CRB2: variants seen among roughly 807,000 people sequenced by gnomAD.
The protein encoded by CRB2 is crumbs cell polarity complex component 2.
Under a neutral mutation model 110.9 loss-of-function variants are expected in CRB2, and 85 were observed. The observed-to-expected ratio is 0.77, with a 90% CI of 0.64 to 0.92. The LOEUF (loss-of-function observed/expected upper bound fraction) is 0.92, where lower values mean the gene tolerates loss of function less well. CRB2 is among the 40% of genes least tolerant of loss of function. CRB2 has a pLI of 0.00. For missense variants in CRB2, 1,843 were observed against 1,851.3 expected (o/e 1.00, Z 0.08); for synonymous variants, 907 against 831.0 (o/e 1.09, Z -1.57).
intron 10 of CRB2, chr9:123,374,147 T>C: frequency 1.4e-6 from 1 of 710,142 alleles, no homozygotes; most frequent in Non-Finnish European, 2.4e-6. Flanking sequence ...GGTCTGGGGC[T>C]GGGAGCCGCC....
chr9:123,371,483 C>T lies in CRB2; in HGVS notation c.2341C>T (p.Pro781Ser). The T allele has an allele frequency of 6.2e-7, 1 of 1,613,250 alleles. No homozygotes were observed. The highest frequency in any genetic ancestry group is 8.5e-7 in the Non-Finnish European group (1 of 1,180,032). Residue 781 changes from proline to serine, a missense_variant, in exon 8 of 13, where the codon CCT becomes TCT. Transcript: ENST00000373631. Reference sequence around the variant, plus strand: ...CGATGGCTGCCACCTCCCCTTCTTTCCTCTGCCACTGGATAACTCAAGCCA... The same window carrying T: ...CGATGGCTGCCACCTCCCCTTCTTTTCTCTGCCACTGGATAACTCAAGCCA... ...RLDGCHLPFF[P>S]LPLDNSSQPS...
In CRB2 at chr9:123,370,839, G is replaced by C; in HGVS notation, c.1786G>C (p.Gly596Arg). 6.2e-7 allele frequency: 1 copy of C among 1,607,030 alleles called. No individual in the cohort carries two copies. Among genetic ancestry groups the C allele is most frequent in the South Asian group, 1.1e-5 (1 of 91,062 alleles). The change falls in exon 7 of 13, where the codon GGT (glycine) becomes CGT (arginine). Residue 596 changes from glycine (G) to arginine (R), a missense_variant. By Grantham distance (125) the Gly-to-Arg change is moderately radical. Transcript: ENST00000373631. ...DGHLLLPEDL[G>R]ENVLLGCERR... ...CCACCTCCTGCTGCCTGAGGATCTCGGTGAGAACGTCCTCCTGGGCTGTGA... is the reference window on the plus strand; with the variant it reads ...CCACCTCCTGCTGCCTGAGGATCTCCGTGAGAACGTCCTCCTGGGCTGTGA...
chr9:123,361,490 T>C (rs2041868241), intron 1 of CRB2, among the ~76,000 whole-genome samples: 1 of 151,914 alleles, frequency 6.6e-6, no homozygotes, highest in Non-Finnish European at 1.5e-5. Flanking sequence ...GCCAGCCTTA[T>C]CTGGGGGGCT....
At chr9:123,364,384 A>AGTGGGGTG (rs1353877732) in intron 2 of CRB2, among the ~76,000 whole-genome samples, 1 of 64,554 alleles carries the variant, frequency 1.5e-5, no homozygotes, top group Non-Finnish European at 3.6e-5. Context: ...TGGGTTGTGC[A>AGTGGGGTG]TCCGGATGTG....
intron 5 of CRB2, 65 bp downstream of exon 5, chr9:123,367,422 CCCCCCCA>C: frequency 1.1e-6 from 1 of 909,996 alleles, no homozygotes. Flanking sequence ...CTTGTGCCCA[CCCCCCCA>C]CCCCCCCCAC....
intron 5 of CRB2, 32 bp downstream of exon 5, chr9:123,367,389 T>C (rs989793154): frequency 6.3e-7 from 1 of 1,577,458 alleles, no homozygotes; most frequent in Non-Finnish European, 8.6e-7. Context: ...GGTCAGCCCA[T>C]GTCCAGATGC....
upstream of CRB2, among the ~76,000 whole-genome samples, chr9:123,355,786 G>T (rs1166955403): frequency 1.3e-5 from 2 of 151,666 alleles, no homozygotes; most frequent in Non-Finnish European, 2.9e-5. Flanking sequence ...GGGTCTGGGA[G>T]GCGACTGGAC....
chr9:123,359,254 C>A (rs144167805), intron 1 of CRB2, among the ~76,000 whole-genome samples: 1 of 152,072 alleles, frequency 6.6e-6, no homozygotes, highest in African/African-American at 2.4e-5. Flanking sequence ...CAGCCCTACC[C>A]TTGTAGGGTA....
chr9:123,362,892 C>A lies in CRB2; in HGVS notation c.122C>A (p.Ala41Asp). 1 of 1,588,906 alleles carries A rather than the reference C, an allele frequency of 6.3e-7. No individual in the cohort carries two copies. Among genetic ancestry groups the A allele is most frequent in the Non-Finnish European group, 8.6e-7 (1 of 1,160,234 alleles). The change falls in exon 2 of 13, where the codon GCC becomes GAC. Residue 41 changes from alanine to aspartate, a missense_variant. Coordinates refer to ENST00000373631, the MANE Select transcript of CRB2 (RefSeq NM_173689.7). ...AGTVPSEPPS[A>D]CASDPCAPGT... ...ACGGTGCCTTCAGAGCCCCCCAGTG[C>A]CTGTGCCTCAGACCCGTGCGCTCCA...
intron 2 of CRB2, among the ~76,000 whole-genome samples, chr9:123,365,459 TG>T (rs2041917971): frequency 6.6e-6 from 1 of 152,144 alleles, no homozygotes; most frequent in Non-Finnish European, 1.5e-5. Context: ...TAGGGCATCA[TG>T]GCCCTGCCCC....
At position 123,370,295 on chromosome 9, in the gene CRB2, C is replaced by G; in HGVS notation, c.1242C>G (p.Ile414Met). 6.2e-7 allele frequency: 1 copy of G among 1,613,470 alleles called. No individual in the cohort carries two copies. The highest frequency in any genetic ancestry group is 8.5e-7 in the Non-Finnish European group (1 of 1,180,002). The change falls in exon 7 of 13, where the codon ATC becomes ATG. Residue 414 changes from isoleucine (I) to methionine (M), a missense_variant. Physicochemically the swap from Ile to Met is conservative, Grantham distance 10. Transcript: ENST00000373631. Reference protein sequence around the residue: ...TCPLAATCIPIFESGVHSYVC... With the variant: ...TCPLAATCIPMFESGVHSYVC... ...CGCTGGCTGCCACCTGCATCCCTAT[C>G]TTCGAGTCTGGGGTCCACAGTTACG... is the stretch of plus-strand genomic sequence containing the variant.
intron 10 of CRB2, 109 bp from the exon 11 acceptor site, chr9:123,374,470 C>T (rs113157101): frequency 4.0e-6 from 3 of 747,048 alleles, no homozygotes; most frequent in African/African-American, 1.7e-5. Context: ...AGAGGAAGGC[C>T]CTGAGTTCCA....
rs1179677198 is a variant in CRB2 at position 123,367,341 on chromosome 9, C to T, written c.924C>T (p.Cys308=). 1.2e-6 allele frequency: 2 copies of T among 1,602,410 alleles called. No individual in the cohort carries two copies. Among genetic ancestry groups the T allele is most frequent in the Non-Finnish European group, 8.5e-7 (1 of 1,179,534 alleles). ...ATGCTGCGGGTTTCCTGTGCCACTG[C>T]CCTCCTGGCTTTGAGGGTGAGCCCC... ...FRHAAGFLCH[C]PPGFEGADCG... Residue 308 remains cysteine, a synonymous_variant, in exon 5 of 13, where the codon TGC becomes TGT. Transcript: ENST00000373631.
chr9:123,375,045 A>G (rs2042082380), intron 11 of CRB2, among the ~76,000 whole-genome samples, 172 bp from the exon 12 acceptor site: 1 of 152,136 alleles, frequency 6.6e-6, no homozygotes. Context: ...CTTCTCAGTG[A>G]CGGCTGCTCA....
In CRB2 at chr9:123,377,398, G is replaced by C; in HGVS notation, c.*336G>C. ...TGTGTGAGTGTGTACCTGGGCCTGT[G>C]TTAGTCTGCAGATGCTAGTGTGAGT... On this transcript the variant is annotated 3_prime_UTR_variant, in exon 13 of 13. Transcript: ENST00000373631. The C allele has an allele frequency of 3.9e-6, 1 of 256,182 alleles. No homozygotes were observed. The highest frequency in any genetic ancestry group is 7.4e-6 in the Non-Finnish European group (1 of 135,278). 15.9% of individuals were successfully genotyped at this position (256,182 alleles called of 1,614,324 possible). A position where few individuals can be genotyped will look rare whatever the true frequency, so the allele number is the denominator to read the frequency against.
At chr9:123,359,400 A>G (rs574356641) in intron 1 of CRB2, among the ~76,000 whole-genome samples, 3 of 140,532 alleles carry the variant, frequency 2.1e-5, no homozygotes, top group Admixed American at 2.1e-4. Context: ...CTTCCCCAGT[A>G]AATGCTTCTT....
At position 123,373,389 on chromosome 9, in the gene CRB2, A is replaced by T. The variant is rs1230154825; in HGVS notation, c.2858A>T (p.Asp953Val). 4 of 1,435,836 alleles carry T rather than the reference A, an allele frequency of 2.8e-6. No homozygotes were observed. Among genetic ancestry groups the T allele is most frequent in the Non-Finnish European group, 3.6e-6 (4 of 1,101,174 alleles). The allele number at this position is 1,435,836 out of a possible 1,614,324, so 88.9% of individuals were successfully genotyped here. The part of the protein sequence containing the change: ...VLPIPGPRVA[D>V]GAWHRVRLAM... ...CCCATACCGGGGCCGCGCGTGGCCG[A>T]TGGTGCCTGGCACCGCGTGCGTCTG... The change falls in exon 10 of 13, where the codon GAT becomes GTT. Residue 953 changes from aspartate to valine, a missense_variant. Physicochemically the swap from Asp to Val is radical, Grantham distance 152 (BLOSUM62 -3). Coordinates refer to ENST00000373631, the MANE Select transcript of CRB2 (RefSeq NM_173689.7).
chr9:123,373,145 G>A lies in CRB2; in HGVS notation c.2614G>A (p.Ala872Thr). ...CCTTCTCTCCGCAGGTGTGGCGGAG[G>A]CCACGTTCCGCGAGGGTCCCCCCGC... ...VPDGFVCVAE[A>T]TFREGPPAAF... Residue 872 changes from alanine to threonine, a missense_variant, in exon 10 of 13, where the codon GCC becomes ACC. Physicochemically the swap from Ala to Thr is moderately conservative, Grantham distance 58. Transcript: ENST00000373631. The A allele has an allele frequency of 6.6e-7, 1 of 1,507,458 alleles. No individual in the cohort carries two copies. Among genetic ancestry groups the A allele is most frequent in the Non-Finnish European group, 8.8e-7 (1 of 1,133,236 alleles). 93.4% of individuals were successfully genotyped at this position (1,507,458 alleles called of 1,614,324 possible). A position where few individuals can be genotyped will look rare whatever the true frequency, so the allele number is the denominator to read the frequency against.
At chr9:123,375,583 CA>C (rs1333333625) in intron 12 of CRB2, among the ~76,000 whole-genome samples, 1 of 152,202 alleles carries the variant, frequency 6.6e-6, no homozygotes, top group African/African-American at 2.4e-5. Context: ...CTAGCTGGGT[CA>C]GCGGCTTCCT....
Sources: gnomAD v4.1 joint callset for allele counts (sites outside exome capture counted in the v4.1 genomes callset) on GRCh38, gnomAD v4.1.1 for gene constraint, MANE v1.5 for transcripts, NCBI Gene and HGNC (gene_info 2026-07-23, HGNC 2026-07-21) for gene names.